MAP2K5: variants seen among roughly 807,000 people sequenced by gnomAD.
The protein encoded by MAP2K5 is dual specificity mitogen-activated protein kinase kinase 5.
In MAP2K5, 49 loss-of-function variants were observed where a neutral mutation model predicts 83.1. The ratio of observed to expected loss-of-function variants is 0.59; its 90% CI spans 0.47 to 0.75. The LOEUF (loss-of-function observed/expected upper bound fraction) is 0.75, where lower values mean the gene tolerates loss of function less well. Ranked by LOEUF, MAP2K5 falls within the 30% of genes least tolerant of loss-of-function variation. MAP2K5 has a pLI of 0.00. For missense variants in MAP2K5, 457 were observed against 557.5 expected, an observed-to-expected ratio of 0.82 and a Z score of 1.82; for synonymous variants, 202 against 191.8, an observed-to-expected ratio of 1.05 and a Z score of -0.44.
At chr15:67,699,088 G>A (rs1019204474) in intron 15 of MAP2K5, among the ~76,000 whole-genome samples, 1 of 151,576 alleles carries the variant, frequency 6.6e-6, no homozygotes, top group Non-Finnish European at 1.5e-5. Flanking sequence ...AGCAGACTAA[G>A]TTATTTAGAT....
intron 8 of MAP2K5, among the ~76,000 whole-genome samples, chr15:67,620,037 T>G (rs2086145076): frequency 6.6e-6 from 1 of 152,224 alleles, no homozygotes; most frequent in South Asian, 2.1e-4. Context: ...CACACTGTAC[T>G]CCAGCCTGAG....
At chr15:67,728,047 T>C in intron 17 of MAP2K5, 102 bp downstream of exon 17, 1 of 989,264 alleles carries the variant, frequency 1.0e-6, no homozygotes, top group Non-Finnish European at 1.6e-6. Flanking sequence ...CAAATAAATC[T>C]GTCCTGTTAA....
chr15:67,583,198 A>G (rs1031870469), intron 4 of MAP2K5, among the ~76,000 whole-genome samples: 1 of 152,204 alleles, frequency 6.6e-6, no homozygotes, highest in Admixed American at 6.5e-5. Context: ...CCCTTTGAGT[A>G]AGAATTTCAT....
chr15:67,774,736 A>G lies in MAP2K5; in HGVS notation c.1242+1984A>G, dbSNP rs1410046526. Reference sequence around the variant, plus strand: ...GAGACTCCTCTGGAATGCATGAACTATAGAGCCCATTTGTCACCTGGGTGG... The same window carrying G: ...GAGACTCCTCTGGAATGCATGAACTGTAGAGCCCATTTGTCACCTGGGTGG... On this transcript the variant is annotated intron_variant, in intron 21 of 21. Transcript: ENST00000178640. This position sits in a 1 kb window ranked among gnomAD's most constrained non-coding sequence, Gnocchi z 4.9. 6.6e-6 allele frequency among the ~76,000 whole-genome samples: 1 copy of G among 152,200 alleles called. No individual in the cohort carries two copies. The highest frequency in any genetic ancestry group is 1.5e-5 in the Non-Finnish European group (1 of 68,024).
intron 7 of MAP2K5, among the ~76,000 whole-genome samples, chr15:67,599,800 T>G (rs929884074): frequency 9.9e-5 from 15 of 152,120 alleles, no homozygotes; most frequent in African/African-American, 3.4e-4. Context: ...TTTAAGCATC[T>G]GGACCAGTGT....
rs772575800 is a variant in MAP2K5 at position 67,665,090 on chromosome 15, C to G, written c.847+445C>G. 6.6e-6 allele frequency among the ~76,000 whole-genome samples: 1 copy of G among 152,104 alleles called. No individual in the cohort carries two copies. Among genetic ancestry groups the G allele is most frequent in the Non-Finnish European group, 1.5e-5 (1 of 68,014 alleles). On this transcript the variant is annotated intron_variant, in intron 13 of 21. Coordinates refer to ENST00000178640, the MANE Select transcript of MAP2K5 (RefSeq NM_145160.3). The surrounding 1 kb of genome is among the most constrained non-coding windows in gnomAD (Gnocchi z 4.2). ...AAAGATGGGGTCTTGCTCTGTTGGC[C>G]AGGTTGTTGTTAAACCCCTAGCCTC...
At chr15:67,714,334 T>C (rs1441449423) in intron 16 of MAP2K5, among the ~76,000 whole-genome samples, 2 of 140,730 alleles carry the variant, frequency 1.4e-5, no homozygotes, top group Non-Finnish European at 3.0e-5. Context: ...TAATAAGAAT[T>C]ATGAAACATT....
intron 3 of MAP2K5, among the ~76,000 whole-genome samples, chr15:67,569,189 G>A (rs547742081): frequency 2.6e-5 from 4 of 152,248 alleles, no homozygotes; most frequent in South Asian, 4.1e-4. Context: ...GAACAAAGAG[G>A]TTAGAAGCTC....
At chr15:67,692,380 C>T in intron 13 of MAP2K5, 99 bp from the exon 14 acceptor site, 1 of 743,986 alleles carries the variant, frequency 1.3e-6, no homozygotes, top group South Asian at 1.8e-5. Flanking sequence ...CAGATGATGT[C>T]ATTTCTGCAA....
chr15:67,768,526 A>G lies in MAP2K5; in HGVS notation c.1135-1076A>G, dbSNP rs2090084936. 6.6e-6 allele frequency among the ~76,000 whole-genome samples: 1 copy of G among 152,226 alleles called. No individual in the cohort carries two copies. The highest frequency in any genetic ancestry group is 6.5e-5 in the Admixed American group (1 of 15,276). On this transcript the variant is annotated intron_variant, in intron 19 of 21. Coordinates refer to ENST00000178640, the MANE Select transcript of MAP2K5 (RefSeq NM_145160.3). This position sits in a 1 kb window ranked among gnomAD's most constrained non-coding sequence, Gnocchi z 4.0. ...TGATATATTGCTCATCCAAATGGCC[A>G]AAGCACTCCAAAGCACAGTGAGATT...
At chr15:67,671,463 A>G (rs1182975246) in intron 13 of MAP2K5, among the ~76,000 whole-genome samples, 1 of 152,214 alleles carries the variant, frequency 6.6e-6, no homozygotes, top group Non-Finnish European at 1.5e-5. Context: ...ATTGAAAATT[A>G]AAGCTGTGTG....
intron 17 of MAP2K5, among the ~76,000 whole-genome samples, chr15:67,739,995 A>C (rs1415426188): frequency 3.9e-5 from 6 of 152,212 alleles, no homozygotes; most frequent in African/African-American, 1.4e-4. Context: ...GATGGGGGGA[A>C]GCTGTCTTAG....
intron 2 of MAP2K5, among the ~76,000 whole-genome samples, chr15:67,556,554 CT>C (rs10719227): frequency 0.96 from 113,153 of 117,648 alleles, 54,374 homozygotes; most frequent in Middle Eastern, 0.99. Flanking sequence ...TCTTTTCTTT[CT>C]TTTTTTTTTT....
chr15:67,703,061 G>C (rs1248227603), intron 15 of MAP2K5, among the ~76,000 whole-genome samples: 1 of 152,110 alleles, frequency 6.6e-6, no homozygotes, highest in Non-Finnish European at 1.5e-5. Context: ...TCACTACTCT[G>C]AGCCTCCATT....
intron 11 of MAP2K5, among the ~76,000 whole-genome samples, chr15:67,648,690 TTC>T (rs1313651427): frequency 6.6e-6 from 1 of 151,414 alleles, no homozygotes; most frequent in African/African-American, 2.4e-5. Context: ...GTTCAAGCGA[TTC>T]TCCTGCCTCA....
intron 8 of MAP2K5, among the ~76,000 whole-genome samples, chr15:67,608,495 A>G (rs1168785193): frequency 2.6e-5 from 4 of 152,152 alleles, no homozygotes; most frequent in African/African-American, 7.2e-5. Context: ...ACAGGACCCC[A>G]CAGTCTGGGG....
At chr15:67,581,555 A>G (rs1278380632) in intron 4 of MAP2K5, among the ~76,000 whole-genome samples, 10 of 152,226 alleles carry the variant, frequency 6.6e-5, no homozygotes, top group Non-Finnish European at 1.3e-4. Context: ...CATGTTTTCT[A>G]ACTAATGGAA....
At chr15:67,585,732 C>T in intron 4 of MAP2K5, 158 bp from the exon 5 acceptor site, 1 of 619,726 alleles carries the variant, frequency 1.6e-6, no homozygotes, top group Non-Finnish European at 3.0e-6. Flanking sequence ...AGTTAAAACC[C>T]TGGTTCATAA....
intron 16 of MAP2K5, among the ~76,000 whole-genome samples, chr15:67,712,164 C>T (rs1257641009): frequency 2.0e-5 from 3 of 152,194 alleles, no homozygotes; most frequent in African/African-American, 7.2e-5. Context: ...TGAGACCTCC[C>T]ACCCTGTTCC....
Sources: gnomAD v4.1 joint callset for allele counts (sites outside exome capture counted in the v4.1 genomes callset) on GRCh38, gnomAD v4.1.1 for gene constraint, Gnocchi (gnomAD v3.1) non-coding constraint, MANE v1.5 for transcripts, NCBI Gene and HGNC (gene_info 2026-07-23, HGNC 2026-07-21) for gene names.